The following STX18 variants were observed in gnomAD, a reference collection of about 807,000 sequenced individuals.
The protein encoded by STX18 is syntaxin-18.
Under a neutral mutation model 50.1 loss-of-function variants are expected in STX18, and 40 were observed. That is an observed-to-expected ratio of 0.80 (90% CI 0.62 to 1.04). STX18 has a LOEUF of 1.04. Ranked by LOEUF, STX18 falls within the 50% of genes least tolerant of loss-of-function variation. STX18 has a pLI of 0.00. For synonymous variants in STX18, 158 were observed against 151.8 expected (o/e 1.04, Z -0.30); for missense variants, 410 against 415.8 (o/e 0.99, Z 0.12).
chr4:4,488,457 G>A (rs1184117839), intron 1 of STX18, among the ~76,000 whole-genome samples: 1 of 152,138 alleles, frequency 6.6e-6, no homozygotes, highest in Admixed American at 6.5e-5. Context: ...TGGGGTCCTA[G>A]CGCTACTTAA....
rs1379760378 is a variant in STX18 at position 4,490,456 on chromosome 4, T to C, written c.169-18750A>G. On this transcript the variant is annotated intron_variant, in intron 1 of 10. Coordinates refer to ENST00000306200, the MANE Select transcript of STX18 (RefSeq NM_016930.4). ...CAAATTTCAGATTACGGTTTTAAAT[T>C]TCTATTCATTCTCTATACAGTGGTA... Among the ~76,000 whole-genome samples, 6 of 152,310 alleles carry C rather than the reference T, an allele frequency of 3.9e-5. No homozygotes were observed. The South Asian group carries it at 6.2e-4, about 16-fold the overall frequency.
At chr4:4,461,149 A>G (rs1050403804) in intron 2 of STX18, among the ~76,000 whole-genome samples, 2 of 152,238 alleles carry the variant, frequency 1.3e-5, no homozygotes, top group East Asian at 3.8e-4. Context: ...AAAAGGTCTA[A>G]AGGTTAATTT....
intron 2 of STX18, among the ~76,000 whole-genome samples, chr4:4,462,257 A>G (rs1195442746): frequency 1.3e-5 from 2 of 152,210 alleles, no homozygotes; most frequent in East Asian, 3.8e-4. Flanking sequence ...CAACTGCAGC[A>G]TAGGTCAAAT....
intron 8 of STX18, 41 bp from the exon 9 acceptor site, chr4:4,423,628 T>C (rs757281227): frequency 5.0e-6 from 8 of 1,588,238 alleles, no homozygotes; most frequent in Admixed American, 3.3e-5. Context: ...TATTAGCACT[T>C]GGTAATCTAA....
At chr4:4,467,797 A>G (rs1002954064) in intron 2 of STX18, among the ~76,000 whole-genome samples, 2 of 152,216 alleles carry the variant, frequency 1.3e-5, no homozygotes, top group African/African-American at 4.8e-5. Flanking sequence ...TTTTCTAAGC[A>G]AAGTAGAGAC....
chr4:4,532,484 C>A (rs1284877338), intron 1 of STX18, among the ~76,000 whole-genome samples: 1 of 151,210 alleles, frequency 6.6e-6, no homozygotes, highest in Non-Finnish European at 1.5e-5. Context: ...AAAAAAAAAA[C>A]CTCACTCTTT....
intron 1 of STX18, among the ~76,000 whole-genome samples, chr4:4,474,629 G>T (rs1341473082): frequency 6.6e-6 from 1 of 152,144 alleles, no homozygotes; most frequent in Admixed American, 6.5e-5. Flanking sequence ...CAATCACAAG[G>T]GTCGGTAAAT....
chr4:4,492,509 G>A (rs1024926142), intron 1 of STX18, among the ~76,000 whole-genome samples: 1 of 152,074 alleles, frequency 6.6e-6, no homozygotes, highest in Non-Finnish European at 1.5e-5. Flanking sequence ...AAAGCATAAA[G>A]AAAAGCATTT....
chr4:4,435,125 A>G (rs1264939843), intron 6 of STX18, among the ~76,000 whole-genome samples: 3 of 152,242 alleles, frequency 2.0e-5, no homozygotes, highest in Non-Finnish European at 4.4e-5. Flanking sequence ...CACTGATGTC[A>G]GCAATGGCTG....
At chr4:4,484,280 ACT>A (rs1215391390) in intron 1 of STX18, among the ~76,000 whole-genome samples, 2 of 152,060 alleles carry the variant, frequency 1.3e-5, no homozygotes, top group African/African-American at 4.8e-5. Context: ...TAGAATCAAT[ACT>A]CTCTGTGTCA....
chr4:4,467,055 G>A (rs928873507), intron 2 of STX18, among the ~76,000 whole-genome samples: 2 of 152,116 alleles, frequency 1.3e-5, no homozygotes, highest in Non-Finnish European at 2.9e-5. Flanking sequence ...TCTGCATGGT[G>A]CCAGCTGATC....
At chr4:4,449,740 A>C (rs1478308607) in intron 5 of STX18, among the ~76,000 whole-genome samples, 1 of 152,226 alleles carries the variant, frequency 6.6e-6, no homozygotes, top group East Asian at 1.9e-4. Context: ...CAGGGGGAGC[A>C]GTGCTTTGAC....
intron 2 of STX18, among the ~76,000 whole-genome samples, chr4:4,462,553 G>A (rs1368643767): frequency 6.6e-6 from 1 of 152,128 alleles, no homozygotes; most frequent in Non-Finnish European, 1.5e-5. Context: ...TCGGGAAAAT[G>A]AGTAAAAGAT....
At chr4:4,438,892 TTAA>T (rs943543472) in intron 5 of STX18, among the ~76,000 whole-genome samples, 6 of 151,052 alleles carry the variant, frequency 4.0e-5, no homozygotes, top group East Asian at 1.9e-4. Context: ...GAGTATGTTA[TTAA>T]TAATAATATA....
chr4:4,531,895 TATG>T (rs1353726316), intron 1 of STX18, among the ~76,000 whole-genome samples: 2 of 152,248 alleles, frequency 1.3e-5, no homozygotes, highest in Admixed American at 6.5e-5. Context: ...TTTAAGAGGC[TATG>T]ATAAATTTGA....
chr4:4,500,360 T>C (rs1328661286), intron 1 of STX18, among the ~76,000 whole-genome samples: 1 of 152,234 alleles, frequency 6.6e-6, no homozygotes, highest in African/African-American at 2.4e-5. Context: ...ATGCTGCACC[T>C]GTACTGAACA....
Position 4,420,195 on chromosome 4 carries a change from G to T in STX18, c.913-66C>A. ...ATTTTGGTTTGAGCAGCCCTGAAATGCCCCCCTCTTCCCACGTGCTCTCCT... is the reference window on the plus strand; with the variant it reads ...ATTTTGGTTTGAGCAGCCCTGAAATTCCCCCCTCTTCCCACGTGCTCTCCT... On this transcript the variant is annotated intron_variant, in intron 10 of 10. Transcript: ENST00000306200. This position sits in a 1 kb window ranked among gnomAD's most constrained non-coding sequence, Gnocchi z 4.3. The T allele has an allele frequency of 1.5e-6, 2 of 1,303,446 alleles. No individual in the cohort carries two copies. Among genetic ancestry groups the T allele is most frequent in the Non-Finnish European group, 2.2e-6 (2 of 926,906 alleles). 80.7% of individuals were successfully genotyped at this position (1,303,446 alleles called of 1,614,324 possible).
chr4:4,451,348 G>A (rs1382066758), intron 5 of STX18, among the ~76,000 whole-genome samples: 1 of 152,188 alleles, frequency 6.6e-6, no homozygotes, highest in Non-Finnish European at 1.5e-5. Context: ...CTTAAATACA[G>A]CCTGCTATAA....
At chr4:4,512,361 T>C (rs1233351151) in intron 1 of STX18, among the ~76,000 whole-genome samples, 1 of 152,046 alleles carries the variant, frequency 6.6e-6, no homozygotes, top group Non-Finnish European at 1.5e-5. Context: ...TAGGAAAGGA[T>C]TCTGATTGGC....
Sources: gnomAD v4.1 joint callset for allele counts (sites outside exome capture counted in the v4.1 genomes callset) on GRCh38, gnomAD v4.1.1 for gene constraint, Gnocchi (gnomAD v3.1) non-coding constraint, MANE v1.5 for transcripts, NCBI Gene and HGNC (gene_info 2026-07-23, HGNC 2026-07-21) for gene names.